Variants in ZNF112 observed in about 807,000 individuals in gnomAD.
The protein encoded by ZNF112 is zinc finger protein 112 (Y14).
ZNF112 carries 37 observed loss-of-function variants against 77.7 expected under a neutral mutation model. The observed-to-expected ratio is 0.48, with a 90% CI of 0.37 to 0.63. The LOEUF is 0.63. ZNF112 is among the 20% of genes least tolerant of loss of function. The probability of loss-of-function intolerance (pLI) is 0.00; values close to 1 mark genes in which losing one functional copy is unlikely to be tolerated. For missense variants in ZNF112, 950 were observed against 1,077.4 expected, an observed-to-expected ratio of 0.88 and a Z score of 1.66; for synonymous variants, 333 against 363.6, an observed-to-expected ratio of 0.92 and a Z score of 0.96.
chr19:44,333,828 G>C (rs748201044), intron 3 of ZNF112, among the ~76,000 whole-genome samples: 3 of 152,128 alleles, frequency 2.0e-5, no homozygotes, highest in Non-Finnish European at 4.4e-5. Flanking sequence ...TGGGAGAATG[G>C]ACGAATAAAG....
intron 2 of ZNF112, 105 bp downstream of exon 2, chr19:44,340,311 C>G (rs910501906): frequency 1.3e-6 from 2 of 1,494,036 alleles, no homozygotes; most frequent in Middle Eastern, 2.4e-4. Flanking sequence ...TCTCGGGCAC[C>G]TAATCTCAGA....
At chr19:44,354,206 C>T (rs1255822968) in intron 1 of ZNF112, among the ~76,000 whole-genome samples, 1 of 151,908 alleles carries the variant, frequency 6.6e-6, no homozygotes, top group Non-Finnish European at 1.5e-5. Flanking sequence ...CCAGTGGTTA[C>T]AGGTATGGTG....
intron 1 of ZNF112, among the ~76,000 whole-genome samples, chr19:44,348,817 T>G (rs1257363197): frequency 6.6e-6 from 1 of 152,006 alleles, no homozygotes; most frequent in African/African-American, 2.4e-5. Context: ...ATAGCAATGA[T>G]GCATATATTA....
In ZNF112 at chr19:44,347,244, T is replaced by A. The variant is rs150778384; in HGVS notation, c.-3-6702A>T. ...TCCGTAGTACAGCTCCTTTTCACTT[T>A]TTCACTTTCAAACTATTTATGTCCT... On this transcript the variant is annotated intron_variant, in intron 1 of 3. Coordinates refer to ENST00000354340, the MANE Select transcript of ZNF112 (RefSeq NM_013380.4). Among the ~76,000 whole-genome samples, 753 of 152,264 alleles carry A rather than the reference T, an allele frequency of 4.9e-3. 5 individuals carry two copies. Among genetic ancestry groups the A allele is most frequent in the African/African-American group, 0.017 (727 of 41,554 alleles).
rs1221186077 is a variant in ZNF112, at chr19:44,329,265, G to C, written c.892C>G (p.His298Asp). ...GCNYSSLLHI[H>D]QNIEREDDIE... ...TCATCTTCTCTCTCAATATTTTGATGAATATGAAGAAGTGAACTATAATTA... is the reference window on the plus strand; with the variant it reads ...TCATCTTCTCTCTCAATATTTTGATCAATATGAAGAAGTGAACTATAATTA... Residue 298 changes from histidine to aspartate, a missense_variant, in exon 4 of 4, where the codon CAT becomes GAT. His to Asp is a moderately conservative substitution (Grantham distance 81). Around this residue, in one of 3 missense-constraint regions of ZNF112, gnomAD observed 560 missense variants for 557.3 expected, o/e 1.00. Transcript: ENST00000354340. 2 of 1,613,896 alleles carry C rather than the reference G, an allele frequency of 1.2e-6. No individual in the cohort carries two copies. Among genetic ancestry groups the C allele is most frequent in the Non-Finnish European group, 1.7e-6 (2 of 1,179,988 alleles).
At chr19:44,355,829 C>T (rs1028745465) in intron 1 of ZNF112, among the ~76,000 whole-genome samples, 2 of 152,198 alleles carry the variant, frequency 1.3e-5, no homozygotes, top group Non-Finnish European at 2.9e-5. Flanking sequence ...AGCGCATCTT[C>T]GAGCAGAATT....
intron 3 of ZNF112, among the ~76,000 whole-genome samples, chr19:44,333,494 C>T (rs1970308093): frequency 6.6e-6 from 1 of 152,136 alleles, no homozygotes; most frequent in African/African-American, 2.4e-5. Context: ...AATTGTAATT[C>T]CCAGTGTTGG....
At chr19:44,364,873 G>A (rs1970887853) in intron 1 of ZNF112, among the ~76,000 whole-genome samples, 1 of 152,082 alleles carries the variant, frequency 6.6e-6, no homozygotes, top group South Asian at 2.1e-4. Context: ...GGACACCAAG[G>A]GACTACTGTA....
At chr19:44,366,670 G>A (rs544048238) in intron 1 of ZNF112, among the ~76,000 whole-genome samples, 182 of 139,726 alleles carry the variant, frequency 1.3e-3, no homozygotes, top group African/African-American at 4.2e-3. Flanking sequence ...TTTTTAAAAA[G>A]GGAATCCAGG....
chr19:44,363,962 T>G (rs1381292607), intron 1 of ZNF112, among the ~76,000 whole-genome samples: 6 of 152,102 alleles, frequency 3.9e-5, no homozygotes, highest in Non-Finnish European at 7.4e-5. Context: ...CAGGCTGGAG[T>G]GCGGTGGCAT....
At chr19:44,360,266 A>T (rs1316321934), upstream of ZNF112, among the ~76,000 whole-genome samples, 1 of 147,318 alleles carries the variant, frequency 6.8e-6, no homozygotes, top group African/African-American at 2.5e-5. Flanking sequence ...AGAAAAAAAA[A>T]AAGAAAAGAA....
chr19:44,328,709 T>C lies in ZNF112; in HGVS notation c.1448A>G (p.His483Arg), dbSNP rs1316977459. 1.2e-6 allele frequency: 2 copies of C among 1,614,092 alleles called. No individual in the cohort carries two copies. ...TTTCTCTCCAATGTGAATTTTTGGA[T>C]GACCTTGAAGATATAAATTATGGCT... is the stretch of plus-strand genomic sequence containing the variant. ...SFSHNLYLQG[H>R]PKIHIGEKPR... Residue 483 changes from histidine (H) to arginine (R), a missense_variant, in exon 4 of 4, where the codon CAT becomes CGT. His to Arg is a conservative substitution (Grantham distance 29, BLOSUM62 0). This residue lies in a region of ZNF112 where 560 missense variants were observed against 557.3 expected (regional missense o/e 1.00). Coordinates refer to ENST00000354340, the MANE Select transcript of ZNF112 (RefSeq NM_013380.4).
At chr19:44,351,923 CAA>C (rs1189628662) in intron 1 of ZNF112, among the ~76,000 whole-genome samples, 4 of 151,832 alleles carry the variant, frequency 2.6e-5, no homozygotes, top group Non-Finnish European at 4.4e-5. Context: ...TTAATTCCTT[CAA>C]AGACACAAAA....
intron 2 of ZNF112, among the ~76,000 whole-genome samples, chr19:44,336,926 G>A (rs927561458): frequency 2.7e-5 from 4 of 150,006 alleles, no homozygotes; most frequent in Non-Finnish European, 5.9e-5. Flanking sequence ...GTGCCAGCAT[G>A]CAGTGGCATG....
intron 1 of ZNF112, among the ~76,000 whole-genome samples, chr19:44,342,498 G>A (rs1970508455): frequency 1.3e-5 from 2 of 152,096 alleles, no homozygotes; most frequent in African/African-American, 4.8e-5. Flanking sequence ...CCTCAGGAAC[G>A]TAAAAGCTTG....
At position 44,329,629 on chromosome 19, in the gene ZNF112, A is replaced by C. The variant is rs896972203; in HGVS notation, c.528T>G (p.Ser176=). 9 of 1,614,154 alleles carry C rather than the reference A, an allele frequency of 5.6e-6. No individual in the cohort carries two copies. The highest frequency in any genetic ancestry group is 7.6e-6 in the Non-Finnish European group (9 of 1,180,020). The change falls in exon 4 of 4, where the codon TCT becomes TCG. Residue 176 remains serine, a synonymous_variant. Coordinates refer to ENST00000354340, the MANE Select transcript of ZNF112 (RefSeq NM_013380.4). ...ACTCTTTCAGATACATTTTCCTCCA[A>C]GAATGATGTGCCCTCCAAGATGGAT... ...QGYPSWRAHH[S]WRKMYLKESH... is the part of the protein sequence containing the mutation.
rs1438444703 is a variant in ZNF112, at chr19:44,328,812, C to A, written c.1345G>T (p.Ala449Ser). 2 of 1,613,880 alleles carry A rather than the reference C, an allele frequency of 1.2e-6. No homozygotes were observed. Among genetic ancestry groups the A allele is most frequent in the African/African-American group, 2.7e-5 (2 of 74,898 alleles). The change falls in exon 4 of 4, where the codon GCC becomes TCC. Residue 449 changes from alanine (A) to serine (S), a missense_variant. Around this residue, in one of 3 missense-constraint regions of ZNF112, gnomAD observed 560 missense variants for 557.3 expected, o/e 1.00. Transcript: ENST00000354340. ...SEECGNGFSL[A>S]SHFQDLQIVH... is the part of the protein sequence containing the mutation. ...ATCTGAAGGTCCTGAAAATGTGAGG[C>A]CAGACTGAAGCCATTACCACACTCC...
At position 44,327,216 on chromosome 19, in the gene ZNF112, C is replaced by T; in HGVS notation, c.*217G>A. ...CTTTTATTAAATTCCTGACCATACT[C>T]ATATTTTATAAGCCTTAGCTCCTGT... On this transcript the variant is annotated 3_prime_UTR_variant, in exon 4 of 4. Coordinates refer to ENST00000354340, the MANE Select transcript of ZNF112 (RefSeq NM_013380.4). 1 of 471,144 alleles carries T rather than the reference C, an allele frequency of 2.1e-6. No homozygotes were observed. Among genetic ancestry groups the T allele is most frequent in the Non-Finnish European group, 3.7e-6 (1 of 268,812 alleles). The allele number at this position is 471,144 out of a possible 1,614,324, so 29.2% of individuals were successfully genotyped here. A position where few individuals can be genotyped will look rare whatever the true frequency, so the allele number is the denominator to read the frequency against.
chr19:44,354,033 A>G (rs1353464730), intron 1 of ZNF112, among the ~76,000 whole-genome samples: 2 of 152,216 alleles, frequency 1.3e-5, no homozygotes, highest in African/African-American at 2.4e-5. Context: ...AACCAGAAGT[A>G]AACAGAAATG....
Sources: allele counts gnomAD v4.1 joint callset (sites outside exome capture counted in the v4.1 genomes callset), GRCh38; gene constraint gnomAD v4.1.1; regional missense constraint gnomAD v4.1.1; transcripts MANE v1.5; gene names NCBI Gene and HGNC (gene_info 2026-07-23, HGNC 2026-07-21).